The following FHIT variants were observed in gnomAD, a reference collection of about 807,000 sequenced individuals.
The protein encoded by FHIT is fragile histidine triad diadenosine triphosphatase.
A neutral mutation model predicts 17.9 loss-of-function variants in FHIT; 19 were observed. That is an observed-to-expected ratio of 1.06 (90% CI 0.74 to 1.56). The LOEUF is 1.56. Ranked by LOEUF, FHIT falls within the 40% of genes most tolerant of loss-of-function variation. The pLI, the probability that FHIT is intolerant of heterozygous loss-of-function variation, is 0.00. For synonymous variants in FHIT, 81 were observed against 69.7 expected (o/e 1.16, Z -0.81); for missense variants, 248 against 189.2 (o/e 1.31, Z -1.82).
At chr3:60,324,013 C>T (rs1386592469) in intron 5 of FHIT, among the ~76,000 whole-genome samples, 1 of 151,988 alleles carries the variant, frequency 6.6e-6, no homozygotes, top group Admixed American at 6.6e-5. Context: ...GCTTTGAGGT[C>T]TAGAATCCTT....
chr3:60,961,926 C>A (rs1709472426), intron 3 of FHIT, among the ~76,000 whole-genome samples: 1 of 152,106 alleles, frequency 6.6e-6, no homozygotes, highest in African/African-American at 2.4e-5. Context: ...TTTTTTGCTT[C>A]CATGTGAACT....
At chr3:60,267,612 C>T (rs116301701) in intron 5 of FHIT, among the ~76,000 whole-genome samples, 13,772 of 152,132 alleles carry the variant, frequency 0.091, 766 homozygotes, top group Non-Finnish European at 0.13. Flanking sequence ...AAATCCCAGT[C>T]TGAGATTTTG....
At chr3:60,403,354 G>A (rs1424308313) in intron 5 of FHIT, among the ~76,000 whole-genome samples, 1 of 152,086 alleles carries the variant, frequency 6.6e-6, no homozygotes, top group Non-Finnish European at 1.5e-5. Flanking sequence ...CTCCTTTTCT[G>A]AGAACTATCC....
intron 5 of FHIT, among the ~76,000 whole-genome samples, chr3:60,019,582 C>G (rs1431557377): frequency 6.6e-6 from 1 of 151,958 alleles, no homozygotes; most frequent in African/African-American, 2.4e-5. Flanking sequence ...CCATGCCCAG[C>G]TAATTTTGTA....
intron 5 of FHIT, among the ~76,000 whole-genome samples, chr3:60,124,047 G>GACAGAGAT (rs1559653958): frequency 8.5e-6 from 1 of 117,228 alleles, no homozygotes. Context: ...GAGAGAGAGA[G>GACAGAGAT]AGAGAGAGAC....
intron 2 of FHIT, among the ~76,000 whole-genome samples, chr3:61,190,632 G>A (rs555414129): frequency 1.8e-4 from 27 of 152,134 alleles, no homozygotes; most frequent in Non-Finnish European, 3.4e-4. Flanking sequence ...ACATGCATAC[G>A]TATGTTTATT....
intron 8 of FHIT, among the ~76,000 whole-genome samples, chr3:59,779,847 T>C (rs1298443879): frequency 6.6e-6 from 1 of 152,184 alleles, no homozygotes; most frequent in East Asian, 1.9e-4. Flanking sequence ...ACATGAGGGA[T>C]AAACAAATTG....
chr3:59,918,530 G>C (rs1394139096), intron 8 of FHIT, among the ~76,000 whole-genome samples: 3 of 152,086 alleles, frequency 2.0e-5, no homozygotes, highest in Non-Finnish European at 4.4e-5. Flanking sequence ...AACTCACCTG[G>C]GGCCAGAGCA....
chr3:60,621,787 C>T lies in FHIT; in HGVS notation c.-17-84808G>A, dbSNP rs577548599. On this transcript the variant is annotated intron_variant, in intron 4 of 9. Coordinates refer to ENST00000492590, the MANE Select transcript of FHIT (RefSeq NM_002012.4). ...AACTGGGAGGCTGAGGAGGGAAGAT[C>T]GCTGGAGCACAGGAGATTAAGGGTA... 1.3e-4 allele frequency among the ~76,000 whole-genome samples: 20 copies of T among 151,418 alleles called. No individual in the cohort carries two copies. In the South Asian group the frequency reaches 2.7e-3, roughly 21 times the overall value.
intron 5 of FHIT, among the ~76,000 whole-genome samples, chr3:60,452,506 A>G (rs1399437318): frequency 6.6e-6 from 1 of 152,228 alleles, no homozygotes; most frequent in Non-Finnish European, 1.5e-5. Flanking sequence ...ACATGAGACC[A>G]ATAGAATGTG....
chr3:60,881,679 A>G (rs1553757992), intron 3 of FHIT, among the ~76,000 whole-genome samples: 1 of 152,158 alleles, frequency 6.6e-6, no homozygotes, highest in African/African-American at 2.4e-5. Flanking sequence ...CCAAAGACTC[A>G]ATACAGAAAT....
At chr3:60,507,371 A>G (rs1441019642) in intron 5 of FHIT, among the ~76,000 whole-genome samples, 1 of 152,362 alleles carries the variant, frequency 6.6e-6, no homozygotes, top group Non-Finnish European at 1.5e-5. Flanking sequence ...TGGTGAGATT[A>G]GAGAGAAAGA....
chr3:60,899,049 G>T (rs1230156849), intron 3 of FHIT, among the ~76,000 whole-genome samples: 1 of 152,108 alleles, frequency 6.6e-6, no homozygotes, highest in African/African-American at 2.4e-5. Context: ...AACCATCTGT[G>T]CTTTCCCAAG....
At chr3:59,821,555 G>T (rs1700789315) in intron 8 of FHIT, among the ~76,000 whole-genome samples, 1 of 152,138 alleles carries the variant, frequency 6.6e-6, no homozygotes, top group Admixed American at 6.5e-5. Context: ...CCTCTGCCTT[G>T]CAGAGTTCTC....
At chr3:60,942,175 G>A (rs1708440778) in intron 3 of FHIT, among the ~76,000 whole-genome samples, 1 of 152,128 alleles carries the variant, frequency 6.6e-6, no homozygotes, top group African/African-American at 2.4e-5. Flanking sequence ...GTAGAGACAA[G>A]GTTTCACCAT....
chr3:59,769,155 A>T (rs1430255216), intron 8 of FHIT, among the ~76,000 whole-genome samples: 1 of 152,218 alleles, frequency 6.6e-6, no homozygotes, highest in Non-Finnish European at 1.5e-5. Flanking sequence ...TGTCAATTTC[A>T]TAATTTCGGA....
rs149369621 is a variant in FHIT at position 59,776,042 on chromosome 3, C to T, written c.349-23721G>A. Among the ~76,000 whole-genome samples the T allele has an allele frequency of 1.8e-3, 279 of 152,328 alleles. 1 individual carries two copies. In the Middle Eastern group the frequency reaches 0.02, roughly 11 times the overall value. ...CAGCCAAAGTTTGGCGCTGTCACCT[C>T]GAAAATGAATTCGAATTGCCTGCCC... On this transcript the variant is annotated intron_variant, in intron 8 of 9. Transcript: ENST00000492590.
intron 5 of FHIT, among the ~76,000 whole-genome samples, chr3:60,357,006 A>G (rs1184677070): frequency 7.2e-5 from 11 of 152,164 alleles, no homozygotes; most frequent in Admixed American, 6.5e-4. Context: ...AATAAGGTGA[A>G]AAACCACATT....
chr3:59,889,280 C>A (rs1205365612), intron 8 of FHIT, among the ~76,000 whole-genome samples: 4 of 152,234 alleles, frequency 2.6e-5, no homozygotes, highest in Admixed American at 2.0e-4. Flanking sequence ...CTAATTCATA[C>A]TGTCTGACAT....
Sources: gnomAD v4.1 joint callset for allele counts (sites outside exome capture counted in the v4.1 genomes callset) on GRCh38, gnomAD v4.1.1 for gene constraint, MANE v1.5 for transcripts, NCBI Gene and HGNC (gene_info 2026-07-23, HGNC 2026-07-21) for gene names.